MREG: variants seen among roughly 807,000 people sequenced by gnomAD.
The protein encoded by MREG is dilute suppressor protein homolog.
A neutral mutation model predicts 28.5 loss-of-function variants in MREG; 31 were observed. That is an observed-to-expected ratio of 1.09 (90% CI 0.82 to 1.47). The LOEUF (loss-of-function observed/expected upper bound fraction) is 1.47, where lower values mean the gene tolerates loss of function less well. Among genes scored for constraint, MREG ranks in the 40% most tolerant of loss-of-function variants. MREG has a pLI of 0.00. For missense variants in MREG, 256 were observed against 257.4 expected (o/e 0.99, Z 0.04); for synonymous variants, 106 against 95.2 (o/e 1.11, Z -0.66).
intron 2 of MREG, among the ~76,000 whole-genome samples, chr2:215,982,049 G>A (rs913790700): frequency 2.6e-5 from 4 of 152,260 alleles, no homozygotes; most frequent in East Asian, 3.9e-4. Flanking sequence ...GGCCGGGCAC[G>A]GTGGCTCACA....
chr2:216,027,593 T>G (rs1006583807), intron 1 of MREG, among the ~76,000 whole-genome samples: 1 of 152,206 alleles, frequency 6.6e-6, no homozygotes, highest in Non-Finnish European at 1.5e-5. Flanking sequence ...CTTGGGAGGT[T>G]GAGGCATGAG....
chr2:216,010,939 AC>A (rs1158753672), intron 1 of MREG, among the ~76,000 whole-genome samples: 2 of 151,556 alleles, frequency 1.3e-5, no homozygotes, highest in Non-Finnish European at 2.9e-5. Flanking sequence ...TACTAAAAAT[AC>A]AAAAAATTAG....
chr2:215,983,339 A>G (rs146493147), intron 2 of MREG, among the ~76,000 whole-genome samples: 71 of 152,344 alleles, frequency 4.7e-4, no homozygotes, highest in African/African-American at 1.6e-3. Context: ...GTGCTTAAGC[A>G]TTATGTGGCT....
rs188472326 is a variant in MREG at position 215,949,812 on chromosome 2, C to T, written c.256-2699G>A. On this transcript the variant is annotated intron_variant, in intron 2 of 4. Transcript: ENST00000263268. ...CCTTTCATGAAAAAATATATACATA[C>T]AGGATTTCACAAGCATTTTTGAATT... Among the ~76,000 whole-genome samples the T allele has an allele frequency of 4.3e-3, 660 of 152,284 alleles. 3 individuals carry two copies. The highest frequency in any genetic ancestry group is 0.02 in the Middle Eastern group (6 of 294).
At chr2:216,010,410 T>G (rs1049783453) in intron 1 of MREG, among the ~76,000 whole-genome samples, 6 of 135,698 alleles carry the variant, frequency 4.4e-5, no homozygotes, top group Non-Finnish European at 9.1e-5. Context: ...CAGGCTGGAG[T>G]GCAGTGGCGC....
At chr2:215,945,246 A>G (rs1342155572) in intron 4 of MREG, among the ~76,000 whole-genome samples, 1 of 152,232 alleles carries the variant, frequency 6.6e-6, no homozygotes, top group Non-Finnish European at 1.5e-5. Flanking sequence ...CTTATAGGTT[A>G]AATAAACAAT....
intron 1 of MREG, among the ~76,000 whole-genome samples, chr2:216,004,737 T>C (rs745856736): frequency 6.6e-6 from 1 of 152,104 alleles, no homozygotes; most frequent in Non-Finnish European, 1.5e-5. Flanking sequence ...TTTAAATTTA[T>C]GAAAATTGGC....
chr2:216,005,769 T>C (rs17295848), intron 1 of MREG, among the ~76,000 whole-genome samples: 16,716 of 150,380 alleles, frequency 0.11, 2,560 homozygotes, highest in African/African-American at 0.34. Flanking sequence ...TTATTCTTTA[T>C]ACTGAACATA....
chr2:216,002,405 T>C (rs1694040441), intron 1 of MREG, among the ~76,000 whole-genome samples: 1 of 152,162 alleles, frequency 6.6e-6, no homozygotes, highest in Non-Finnish European at 1.5e-5. Flanking sequence ...GTAAAAGACC[T>C]TGGAAGGCTC....
chr2:215,940,620 T>C (rs1692186459), downstream of MREG, among the ~76,000 whole-genome samples: 1 of 152,206 alleles, frequency 6.6e-6, no homozygotes, highest in Non-Finnish European at 1.5e-5. Flanking sequence ...AAATATGTGA[T>C]AGTGATTGTA....
intron 2 of MREG, among the ~76,000 whole-genome samples, chr2:215,972,526 C>G (rs938326254): frequency 2.6e-5 from 4 of 151,040 alleles, no homozygotes; most frequent in African/African-American, 9.8e-5. Flanking sequence ...GCCTGTAATC[C>G]CAGCTACCTG....
intron 2 of MREG, among the ~76,000 whole-genome samples, chr2:215,987,407 C>T (rs1415456672): frequency 2.6e-5 from 4 of 151,872 alleles, no homozygotes; most frequent in South Asian, 4.2e-4. Context: ...CCATCACGCC[C>T]GGCTAATTTT....
chr2:216,031,600 G>T (rs1694701639), intron 1 of MREG, among the ~76,000 whole-genome samples: 1 of 135,638 alleles, frequency 7.4e-6, no homozygotes, highest in Admixed American at 7.7e-5. Context: ...AGAAAAGAAG[G>T]AAAGAAGGAA....
chr2:215,948,149 CT>C (rs1289158415), intron 2 of MREG, among the ~76,000 whole-genome samples: 3 of 152,180 alleles, frequency 2.0e-5, no homozygotes, highest in Non-Finnish European at 4.4e-5. Flanking sequence ...CTACTAAGTT[CT>C]GTACAAGGCT....
chr2:215,949,422 G>A (rs1692427124), intron 2 of MREG, among the ~76,000 whole-genome samples: 1 of 151,796 alleles, frequency 6.6e-6, no homozygotes, highest in Non-Finnish European at 1.5e-5. Flanking sequence ...TTTGCCGGGT[G>A]TGGTGGTGTG....
At chr2:216,007,875 G>T (rs1034870958) in intron 1 of MREG, among the ~76,000 whole-genome samples, 48 of 152,068 alleles carry the variant, frequency 3.2e-4, no homozygotes, top group African/African-American at 1.1e-3. Context: ...TGTTGGCCAT[G>T]AGTTCAATGT....
At chr2:215,956,123 C>T (rs563902854) in intron 2 of MREG, among the ~76,000 whole-genome samples, 1 of 152,212 alleles carries the variant, frequency 6.6e-6, no homozygotes, top group South Asian at 2.1e-4. Context: ...AAAAATACAT[C>T]CTACTTTTAG....
intron 2 of MREG, among the ~76,000 whole-genome samples, chr2:215,994,511 G>A (rs1047423424): frequency 1.3e-5 from 2 of 151,512 alleles, no homozygotes; most frequent in African/African-American, 4.9e-5. Flanking sequence ...GTATACCTAT[G>A]TAACCTGCAC....
intron 1 of MREG, among the ~76,000 whole-genome samples, chr2:216,000,688 G>T (rs1574643616): frequency 3.3e-5 from 5 of 152,234 alleles, no homozygotes; most frequent in Admixed American, 3.3e-4. Flanking sequence ...ACCTAGCAGG[G>T]TCCTAGGACA....
Sources: gnomAD v4.1 joint callset for allele counts (sites outside exome capture counted in the v4.1 genomes callset) on GRCh38, gnomAD v4.1.1 for gene constraint, MANE v1.5 for transcripts, NCBI Gene and HGNC (gene_info 2026-07-23, HGNC 2026-07-21) for gene names.